Variants in EXOC6 observed in about 807,000 individuals in gnomAD.
EXOC6 encodes exocyst complex component 6, also known as SEC15-like 1.
EXOC6 carries 60 observed loss-of-function variants against 112.5 expected under a neutral mutation model. That is an observed-to-expected ratio of 0.53 (90% confidence interval 0.43 to 0.66). EXOC6 has a LOEUF of 0.66. EXOC6 is among the 30% of genes least tolerant of loss of function. The probability of loss-of-function intolerance (pLI) is 0.00; values close to 1 mark genes in which losing one functional copy is unlikely to be tolerated. For synonymous variants in EXOC6, 295 were observed against 308.0 expected (o/e 0.96, Z 0.44); for missense variants, 855 against 957.1 (o/e 0.89, Z 1.41).
At chr10:92,852,491 A>T (rs932722412) in intron 1 of EXOC6, among the ~76,000 whole-genome samples, 4 of 152,156 alleles carry the variant, frequency 2.6e-5, no homozygotes, top group Non-Finnish European at 5.9e-5. Context: ...AAATCCATAT[A>T]TGTGGATTTA....
chr10:92,928,350 A>G lies in EXOC6; in HGVS notation c.900A>G (p.Glu300=). The G allele has an allele frequency of 6.2e-7, 1 of 1,606,282 alleles. No individual in the cohort carries two copies. The highest frequency in any genetic ancestry group is 8.5e-7 in the Non-Finnish European group (1 of 1,174,900). Residue 300 remains glutamate, a synonymous_variant, in exon 9 of 22, where the codon GAA becomes GAG. Transcript: ENST00000260762. ...TGATTTTATTTTAGGGTGACGAGGA[A>G]ACATTTGAAAACTATTATCGAAAAC... ...LHIYSVLGDE[E]TFENYYRKQR...
At chr10:93,029,130 A>G (rs894678413) in intron 20 of EXOC6, among the ~76,000 whole-genome samples, 22 of 152,184 alleles carry the variant, frequency 1.4e-4, no homozygotes, top group African/African-American at 5.3e-4. Context: ...CACCAGCAAA[A>G]ACATTGCTAC....
chr10:92,883,479 A>T (rs191855884), intron 1 of EXOC6, among the ~76,000 whole-genome samples: 2 of 152,326 alleles, frequency 1.3e-5, no homozygotes, highest in Admixed American at 1.3e-4. Context: ...AGTCAATAAG[A>T]TTAGCACCTA....
intron 20 of EXOC6, among the ~76,000 whole-genome samples, chr10:93,041,790 C>T (rs1299676945): frequency 6.6e-6 from 1 of 152,094 alleles, no homozygotes; most frequent in African/African-American, 2.4e-5. Context: ...CGGCCCACTG[C>T]AACCTCCACC....
intron 1 of EXOC6, among the ~76,000 whole-genome samples, chr10:92,837,383 A>G (rs1421811546): frequency 6.6e-6 from 1 of 152,218 alleles, no homozygotes; most frequent in East Asian, 1.9e-4. Flanking sequence ...TAAAACGTCA[A>G]GCTCTGGCTA....
chr10:92,875,123 A>G (rs1848626748), intron 1 of EXOC6, among the ~76,000 whole-genome samples: 1 of 152,200 alleles, frequency 6.6e-6, no homozygotes, highest in Non-Finnish European at 1.5e-5. Context: ...GGCACAGCCT[A>G]AATAAAGATT....
At chr10:92,876,609 C>T (rs1191166270) in intron 1 of EXOC6, among the ~76,000 whole-genome samples, 2 of 152,144 alleles carry the variant, frequency 1.3e-5, no homozygotes, top group Admixed American at 6.5e-5. Flanking sequence ...AGAATGTGAT[C>T]GGAATTGCAC....
At chr10:92,928,520 C>A in intron 9 of EXOC6, 98 bp downstream of exon 9, 1 of 700,946 alleles carries the variant, frequency 1.4e-6, no homozygotes, top group Non-Finnish European at 2.4e-6. Flanking sequence ...CATTCAACTA[C>A]AAATATTTAT....
chr10:93,023,437 A>G (rs935401694), intron 20 of EXOC6, among the ~76,000 whole-genome samples: 2 of 152,256 alleles, frequency 1.3e-5, no homozygotes, highest in African/African-American at 4.8e-5. Flanking sequence ...TGCCAATCAC[A>G]TACTTGCTAA....
chr10:92,967,414 A>AAT (rs1271064272), intron 17 of EXOC6, among the ~76,000 whole-genome samples: 2 of 152,146 alleles, frequency 1.3e-5, no homozygotes, highest in Non-Finnish European at 2.9e-5. Flanking sequence ...ACTTTTGGTT[A>AAT]ATATTTCAAT....
At chr10:92,832,233 T>C (rs1299219511), upstream of EXOC6, among the ~76,000 whole-genome samples, 2 of 152,234 alleles carry the variant, frequency 1.3e-5, no homozygotes, top group South Asian at 2.1e-4. Context: ...CATTCATTCA[T>C]TGGATAAGCA....
chr10:93,031,203 CT>C (rs765197606), intron 20 of EXOC6, among the ~76,000 whole-genome samples: 28 of 152,012 alleles, frequency 1.8e-4, no homozygotes, highest in Non-Finnish European at 3.4e-4. Context: ...TAGATATGTT[CT>C]TTTTCCTGTC....
chr10:92,959,747 G>A (rs1423484990), intron 17 of EXOC6, among the ~76,000 whole-genome samples: 1 of 152,170 alleles, frequency 6.6e-6, no homozygotes, highest in Non-Finnish European at 1.5e-5. Flanking sequence ...TACCAGATAA[G>A]CATATGAAAA....
rs146907079 is a variant in EXOC6, at chr10:93,044,041, C to T, written c.2170-12883C>T. Among the ~76,000 whole-genome samples the T allele has an allele frequency of 2.0e-3, 312 of 152,322 alleles. 4 individuals carry two copies. The highest frequency in any genetic ancestry group is 0.015 in the Admixed American group (223 of 15,302). ...ACTAACTAAGCATTCAAGCAAGCAT[C>T]AGGCCCCAAAGTAAGCCCTGACTAC... On this transcript the variant is annotated intron_variant, in intron 20 of 21. Coordinates refer to ENST00000260762, the MANE Select transcript of EXOC6 (RefSeq NM_019053.6).
rs922991832 is a variant in EXOC6, at chr10:93,057,337, A to T, written c.2282+301A>T. ...GGATGTGACAATTGGAGCTTTCTTT[A>T]AAAAAAAAAGTCTATAACTCAGGAA... On this transcript the variant is annotated intron_variant, in intron 21 of 21. Transcript: ENST00000260762. 6.7e-5 allele frequency among the ~76,000 whole-genome samples: 10 copies of T among 148,232 alleles called. No homozygotes were observed. In the East Asian group the frequency reaches 1.8e-3, roughly 26 times the overall value.
In EXOC6 at chr10:92,955,629, A is replaced by G; in HGVS notation, c.1688A>G (p.Tyr563Cys). Residue 563 changes from tyrosine (Y) to cysteine (C), a missense_variant, in exon 17 of 22, where the codon TAT (tyrosine) becomes TGT (cysteine). Physicochemically the swap from Tyr to Cys is radical, Grantham distance 194. Coordinates refer to ENST00000260762, the MANE Select transcript of EXOC6 (RefSeq NM_019053.6). ...ACACACCTGGAGCAAGCTTGTAAAT[A>G]TCTTGAGGACTTTATAACTAACATT... ...NTTHLEQACK[Y>C]LEDFITNITN... The G allele has an allele frequency of 1.2e-6, 2 of 1,611,710 alleles. No homozygotes were observed. The highest frequency in any genetic ancestry group is 2.2e-5 in the East Asian group (1 of 44,720).
chr10:93,027,619 C>T (rs139254164), intron 20 of EXOC6, among the ~76,000 whole-genome samples: 301 of 152,324 alleles, frequency 2.0e-3, no homozygotes, highest in African/African-American at 6.7e-3. Flanking sequence ...AGAATTGTTA[C>T]ATCTGCCTGT....
intron 12 of EXOC6, among the ~76,000 whole-genome samples, chr10:92,936,252 A>G (rs1852331710): frequency 6.6e-6 from 1 of 152,244 alleles, no homozygotes; most frequent in Non-Finnish European, 1.5e-5. Context: ...ACATAGACCC[A>G]GAGTTTCTGT....
At chr10:92,855,287 C>T (rs1170686715) in intron 1 of EXOC6, among the ~76,000 whole-genome samples, 1 of 152,012 alleles carries the variant, frequency 6.6e-6, no homozygotes, top group Non-Finnish European at 1.5e-5. Context: ...GTCTTGAACT[C>T]TGGAGCTCAT....
Sources: gnomAD v4.1 joint callset for allele counts (sites outside exome capture counted in the v4.1 genomes callset) on GRCh38, gnomAD v4.1.1 for gene constraint, MANE v1.5 for transcripts, NCBI Gene and HGNC (gene_info 2026-07-23, HGNC 2026-07-21) for gene names.